LIN9: variants seen among roughly 807,000 people sequenced by gnomAD.
LIN9 encodes lin-9 DREAM MuvB core complex component.
LIN9 carries 18 observed loss-of-function variants against 78.0 expected under a neutral mutation model. The ratio of observed to expected loss-of-function variants is 0.23; its 90% CI spans 0.16 to 0.34. The LOEUF (loss-of-function observed/expected upper bound fraction) is 0.34. LIN9 is among the 10% of genes least tolerant of loss of function. The pLI, the probability that LIN9 is intolerant of heterozygous loss-of-function variation, is 1.00. For missense variants in LIN9, 451 were observed against 644.1 expected, an observed-to-expected ratio of 0.70 and a Z score of 3.25; for synonymous variants, 192 against 215.2, an observed-to-expected ratio of 0.89 and a Z score of 0.94.
At chr1:226,243,258 A>G (rs965628453) in intron 11 of LIN9, among the ~76,000 whole-genome samples, 73 of 152,380 alleles carry the variant, frequency 4.8e-4, no homozygotes, top group African/African-American at 1.7e-3. Flanking sequence ...AATACAAAAT[A>G]AAACAATGAG....
At position 226,279,384 on chromosome 1, in the gene LIN9, AG is replaced by A. The variant is rs201663928; in HGVS notation, c.525-1453del. On this transcript the variant is annotated intron_variant, in intron 6 of 14. Coordinates refer to ENST00000681046, the MANE Select transcript of LIN9 (RefSeq NM_001366245.2). ...TGAGGCCGGAGGATCATTTGAGCCC[AG>A]GAAGTTGAGGCTGCAATGAGCTAAG... 6.4e-4 allele frequency among the ~76,000 whole-genome samples: 96 copies of A among 151,056 alleles called. No individual in the cohort carries two copies. In the East Asian group the frequency reaches 0.015, roughly 23 times the overall value.
chr1:226,296,939 G>A (rs753406321), intron 3 of LIN9, among the ~76,000 whole-genome samples: 2 of 152,130 alleles, frequency 1.3e-5, no homozygotes, highest in Non-Finnish European at 2.9e-5. Flanking sequence ...GGGCAGGATC[G>A]CTTGAGCCTG....
chr1:226,287,917 T>C (rs1275941457), intron 4 of LIN9, 120 bp from the exon 5 acceptor site: 2 of 647,714 alleles, frequency 3.1e-6, no homozygotes, highest in East Asian at 6.1e-5. Flanking sequence ...GTTCACTGAT[T>C]CACTGATATT....
At chr1:226,292,463 A>C (rs1661853503) in intron 4 of LIN9, among the ~76,000 whole-genome samples, 1 of 151,274 alleles carries the variant, frequency 6.6e-6, no homozygotes, top group Non-Finnish European at 1.5e-5. Context: ...CAGAAACATA[A>C]ATTATTAAAA....
chr1:226,273,899 G>T (rs139041760), intron 7 of LIN9, among the ~76,000 whole-genome samples: 3 of 150,194 alleles, frequency 2.0e-5, no homozygotes, highest in African/African-American at 7.4e-5. Flanking sequence ...GTGCAGTGGC[G>T]CAATCTCGGC....
intron 3 of LIN9, among the ~76,000 whole-genome samples, chr1:226,296,846 C>A (rs1018437478): frequency 5.3e-5 from 8 of 151,970 alleles, no homozygotes; most frequent in African/African-American, 1.9e-4. Flanking sequence ...CACAAGGAGA[C>A]CCCATCTCTA....
At chr1:226,267,228 G>GAGAT (rs1396750312) in intron 8 of LIN9, among the ~76,000 whole-genome samples, 2 of 68,726 alleles carry the variant, frequency 2.9e-5, no homozygotes, top group South Asian at 5.4e-4. Flanking sequence ...CTGCACTAAG[G>GAGAT]AGATATATAT....
chr1:226,291,161 A>C (rs1430413323), intron 4 of LIN9, among the ~76,000 whole-genome samples: 2 of 152,238 alleles, frequency 1.3e-5, no homozygotes, highest in East Asian at 3.8e-4. Context: ...TCCTAGAAAA[A>C]AACTTGCAAA....
chr1:226,294,440 C>T (rs747894661), intron 4 of LIN9, among the ~76,000 whole-genome samples: 16 of 151,800 alleles, frequency 1.1e-4, no homozygotes, highest in Admixed American at 3.9e-4. Flanking sequence ...ATTAGCCAGG[C>T]ACATGCCTGT....
intron 10 of LIN9, among the ~76,000 whole-genome samples, chr1:226,258,088 G>A (rs1192121928): frequency 6.6e-6 from 1 of 152,070 alleles, no homozygotes; most frequent in East Asian, 1.9e-4. Flanking sequence ...GGAGGCTGAG[G>A]TGGGAGGATT....
At chr1:226,267,514 T>C (rs1482101462) in intron 8 of LIN9, among the ~76,000 whole-genome samples, 1 of 151,836 alleles carries the variant, frequency 6.6e-6, no homozygotes, top group Non-Finnish European at 1.5e-5. Context: ...ATTGTACTTA[T>C]GTCTGAGTTT....
In LIN9 at chr1:226,273,834, CTTTTT is replaced by C. The variant is rs572172734; in HGVS notation, c.682+3936_682+3940del. Among the ~76,000 whole-genome samples the C allele has an allele frequency of 9.5e-5, 13 of 137,136 alleles. No individual in the cohort carries two copies. The Admixed American group carries it at 9.6e-4, about 10-fold the overall frequency. 90.0% of individuals were successfully genotyped at this position (137,136 alleles called of 152,430 possible). A position where few individuals can be genotyped will look rare whatever the true frequency, so the allele number is the denominator to read the frequency against. On this transcript the variant is annotated intron_variant, in intron 7 of 14. Coordinates refer to ENST00000681046, the MANE Select transcript of LIN9 (RefSeq NM_001366245.2). ...ACTACAATGCTCCCTCTCAACATTA[CTTTTT>C]TTTTTTTTTTTTCTTTGAGACGGAG...
At chr1:226,296,158 G>C (rs1244019707) in intron 3 of LIN9, among the ~76,000 whole-genome samples, 2 of 152,200 alleles carry the variant, frequency 1.3e-5, no homozygotes, top group African/African-American at 2.4e-5. Context: ...GCTTATGAAT[G>C]AAATACCTAG....
chr1:226,295,725 C>T (rs1662107014), intron 4 of LIN9, 117 bp downstream of exon 4: 4 of 595,552 alleles, frequency 6.7e-6, no homozygotes, highest in South Asian at 5.1e-5. Flanking sequence ...CCAGAGCAGC[C>T]GTACGAATTT....
At chr1:226,245,437 C>A (rs977826776) in intron 11 of LIN9, among the ~76,000 whole-genome samples, 29 of 151,478 alleles carry the variant, frequency 1.9e-4, no homozygotes, top group Non-Finnish European at 3.5e-4. Context: ...TTCCCCCCCC[C>A]CAAGAAACAG....
chr1:226,243,469 C>T (rs1470755474), intron 11 of LIN9, among the ~76,000 whole-genome samples: 1 of 152,032 alleles, frequency 6.6e-6, no homozygotes. Context: ...CCAAGGCGGG[C>T]AGATCACTTG....
Position 226,233,117 on chromosome 1 carries a change from G to A in LIN9, c.1502C>T (p.Thr501Ile). The A allele has an allele frequency of 6.3e-7, 1 of 1,597,104 alleles. No individual in the cohort carries two copies. Among genetic ancestry groups the A allele is most frequent in the South Asian group, 1.1e-5 (1 of 88,054 alleles). ...TTACCTGATATTAGAAGCGTCTATT[G>A]TACTCTTGATATCATTTAATGAGTC... ...LTDSLNDIKS[T>I]IDASNISCFQ... The change falls in exon 14 of 15, where the codon ACA (threonine) becomes ATA (isoleucine). Residue 501 changes from threonine to isoleucine, a missense_variant. By Grantham distance (89) the Thr-to-Ile change is moderately conservative (BLOSUM62 -1). Transcript: ENST00000681046.
intron 11 of LIN9, among the ~76,000 whole-genome samples, chr1:226,247,671 TTTC>T (rs1203862023): frequency 3.2e-5 from 4 of 123,122 alleles, no homozygotes; most frequent in South Asian, 2.5e-4. Flanking sequence ...GTTTGTTTTC[TTTC>T]TTTTTTTTTT....
chr1:226,243,717 AG>A (rs1310594632), intron 11 of LIN9, among the ~76,000 whole-genome samples: 30 of 149,740 alleles, frequency 2.0e-4, no homozygotes, highest in Admixed American at 8.0e-4. Flanking sequence ...AAAAAAAAAA[AG>A]GTCCCCTCCT....
Sources: gnomAD v4.1 joint callset for allele counts (sites outside exome capture counted in the v4.1 genomes callset) on GRCh38, gnomAD v4.1.1 for gene constraint, MANE v1.5 for transcripts, NCBI Gene and HGNC (gene_info 2026-07-23, HGNC 2026-07-21) for gene names.